The following LSAMP variants were observed in gnomAD, a reference collection of about 807,000 sequenced individuals.
LSAMP encodes the protein limbic system associated membrane protein.
In LSAMP, 7 loss-of-function variants were observed where a neutral mutation model predicts 38.6. The ratio of observed to expected loss-of-function variants is 0.18; its 90% CI spans 0.10 to 0.34. The LOEUF (loss-of-function observed/expected upper bound fraction) is 0.34. LSAMP is among the 10% of genes least tolerant of loss of function. The pLI, the probability that LSAMP is intolerant of heterozygous loss-of-function variation, is 1.00. For missense variants in LSAMP, 313 were observed against 420.0 expected (o/e 0.75, Z 2.23); for synonymous variants, 154 against 166.8 (o/e 0.92, Z 0.59).
chr3:116,234,690 A>G (rs940980034), intron 1 of LSAMP, among the ~76,000 whole-genome samples: 1 of 152,120 alleles, frequency 6.6e-6, no homozygotes, highest in African/African-American at 2.4e-5. Context: ...AATGAAATGC[A>G]TCTTTTCTTC....
intron 2 of LSAMP, among the ~76,000 whole-genome samples, chr3:116,082,650 T>C (rs914954509): frequency 4.6e-5 from 7 of 152,116 alleles, no homozygotes; most frequent in Non-Finnish European, 1.0e-4. Context: ...TGCCTATCAA[T>C]GACAGACTGG....
intron 1 of LSAMP, among the ~76,000 whole-genome samples, chr3:116,202,885 A>G (rs565626436): frequency 6.6e-5 from 10 of 152,252 alleles, no homozygotes; most frequent in South Asian, 2.1e-4. Context: ...CAAGTCCCCA[A>G]TCATTAAGGG....
At chr3:116,010,575 A>G (rs1490620831) in intron 3 of LSAMP, among the ~76,000 whole-genome samples, 3 of 152,226 alleles carry the variant, frequency 2.0e-5, no homozygotes, top group African/African-American at 7.2e-5. Flanking sequence ...ATAAAAGACT[A>G]TGAAAGGGCT....
intron 3 of LSAMP, among the ~76,000 whole-genome samples, chr3:115,881,888 T>C (rs1354230119): frequency 2.0e-5 from 3 of 152,178 alleles, no homozygotes; most frequent in Non-Finnish European, 4.4e-5. Flanking sequence ...TCAGCTGTTC[T>C]TAGAACTGTG....
In LSAMP at chr3:116,271,610, T is replaced by C. The variant is rs144383461; in HGVS notation, c.155+173267A>G. The stretch of plus-strand genomic sequence containing the variant: ...GTTGGGGCCACATGCTTTAGGAATA[T>C]TGAGCAAAAACATTCTACTCTACTA... On this transcript the variant is annotated intron_variant, in intron 1 of 6. Transcript: ENST00000490035. Among the ~76,000 whole-genome samples, 176 of 152,206 alleles carry C rather than the reference T, an allele frequency of 1.2e-3. 1 individual carries two copies. The highest frequency in any genetic ancestry group is 4.0e-3 in the African/African-American group (165 of 41,554).
At chr3:116,045,408 G>A (rs903278001) in intron 2 of LSAMP, among the ~76,000 whole-genome samples, 1 of 152,122 alleles carries the variant, frequency 6.6e-6, no homozygotes, top group Non-Finnish European at 1.5e-5. Flanking sequence ...AGTAGGGAAT[G>A]AAGGCAGTAG....
intron 3 of LSAMP, among the ~76,000 whole-genome samples, chr3:116,006,744 C>T (rs1317725439): frequency 3.9e-5 from 6 of 152,130 alleles, no homozygotes; most frequent in Non-Finnish European, 4.4e-5. Context: ...GCTAAGTCCT[C>T]AATACTATGT....
At chr3:116,185,026 C>CT (rs1164193506) in intron 1 of LSAMP, among the ~76,000 whole-genome samples, 3 of 96,358 alleles carry the variant, frequency 3.1e-5, no homozygotes, top group African/African-American at 1.2e-4. Flanking sequence ...TTCTTTCTTT[C>CT]TTTCTTTTTT....
At chr3:116,057,307 AT>A (rs989443373) in intron 2 of LSAMP, among the ~76,000 whole-genome samples, 2 of 152,198 alleles carry the variant, frequency 1.3e-5, no homozygotes, top group Admixed American at 6.6e-5. Context: ...CTATTTTGGC[AT>A]TTTTAGCCAT....
chr3:116,300,142 T>A (rs960216345), intron 1 of LSAMP, among the ~76,000 whole-genome samples: 1 of 152,132 alleles, frequency 6.6e-6, no homozygotes, highest in Non-Finnish European at 1.5e-5. Flanking sequence ...CTGAGCTCCA[T>A]GAGGGAACAC....
intron 1 of LSAMP, among the ~76,000 whole-genome samples, chr3:116,294,457 G>T (rs1431873631): frequency 6.6e-6 from 1 of 151,894 alleles, no homozygotes; most frequent in Non-Finnish European, 1.5e-5. Flanking sequence ...TATAAAAAAT[G>T]AATAAAAGCA....
intron 1 of LSAMP, among the ~76,000 whole-genome samples, chr3:116,310,248 G>T (rs1427809812): frequency 1.3e-5 from 2 of 152,090 alleles, no homozygotes; most frequent in African/African-American, 4.8e-5. Context: ...ATCTTTTCAA[G>T]GCAGTTTTTG....
intron 1 of LSAMP, among the ~76,000 whole-genome samples, chr3:116,234,557 C>T (rs1223235648): frequency 6.6e-6 from 1 of 151,718 alleles, no homozygotes; most frequent in African/African-American, 2.4e-5. Context: ...GTTTAAAATT[C>T]AACAATAAAA....
intron 1 of LSAMP, among the ~76,000 whole-genome samples, chr3:116,288,179 A>G (rs1459863416): frequency 1.3e-5 from 2 of 152,194 alleles, no homozygotes; most frequent in Non-Finnish European, 2.9e-5. Context: ...TAAGAAAAAA[A>G]TGCAAACTAA....
chr3:116,271,777 T>C (rs1312867579), intron 1 of LSAMP, among the ~76,000 whole-genome samples: 1 of 152,078 alleles, frequency 6.6e-6, no homozygotes, highest in Non-Finnish European at 1.5e-5. Context: ...AAAGAGAAGC[T>C]GCACTTTCAT....
At chr3:116,359,198 T>C (rs546807369) in intron 1 of LSAMP, among the ~76,000 whole-genome samples, 113 of 152,356 alleles carry the variant, frequency 7.4e-4, no homozygotes, top group African/African-American at 2.6e-3. Flanking sequence ...ATTTGTACTA[T>C]GTGTATAATA....
intron 2 of LSAMP, among the ~76,000 whole-genome samples, chr3:116,036,478 T>G (rs145300944): frequency 5.9e-5 from 9 of 152,306 alleles, no homozygotes; most frequent in African/African-American, 1.9e-4. Flanking sequence ...CAGAAATTGA[T>G]GTCTTTGACT....
At chr3:115,928,919 A>G (rs762434126) in intron 3 of LSAMP, among the ~76,000 whole-genome samples, 40 of 151,122 alleles carry the variant, frequency 2.6e-4, no homozygotes, top group Non-Finnish European at 5.7e-4. Flanking sequence ...TGGGATGTCA[A>G]GATACCTTCT....
intron 3 of LSAMP, among the ~76,000 whole-genome samples, chr3:115,861,849 T>TGC (rs1219618245): frequency 7.0e-6 from 1 of 143,356 alleles, no homozygotes; most frequent in African/African-American, 2.8e-5. Context: ...ATTTGTAATC[T>TGC]ACACGAGTTG....
Sources: allele counts gnomAD v4.1 joint callset (sites outside exome capture counted in the v4.1 genomes callset), GRCh38; gene constraint gnomAD v4.1.1; transcripts MANE v1.5; gene names NCBI Gene and HGNC (gene_info 2026-07-23, HGNC 2026-07-21).